DGKB: variants seen among roughly 807,000 people sequenced by gnomAD.
The protein encoded by DGKB is 90 kDa diacylglycerol kinase.
DGKB carries 67 observed loss-of-function variants against 114.3 expected under a neutral mutation model. That is an observed-to-expected ratio of 0.59 (90% CI 0.48 to 0.72). DGKB has a LOEUF of 0.72. DGKB is among the 30% of genes least tolerant of loss of function. The pLI is 0.00. For missense variants in DGKB, 907 were observed against 975.2 expected, an observed-to-expected ratio of 0.93 and a Z score of 0.93; for synonymous variants, 398 against 323.1, an observed-to-expected ratio of 1.23 and a Z score of -2.49.
At chr7:14,851,446 G>T (rs1849336642) in intron 1 of DGKB, among the ~76,000 whole-genome samples, 1 of 152,086 alleles carries the variant, frequency 6.6e-6, no homozygotes, top group Non-Finnish European at 1.5e-5. Context: ...CAGGTTAGGT[G>T]AAAATAAAGA....
intron 21 of DGKB, among the ~76,000 whole-genome samples, chr7:14,467,503 T>C (rs1413949123): frequency 6.6e-6 from 1 of 151,924 alleles, no homozygotes; most frequent in Non-Finnish European, 1.5e-5. Flanking sequence ...ATAACACACA[T>C]TTTTAATTCT....
chr7:14,775,918 G>C (rs1838100653), intron 2 of DGKB, among the ~76,000 whole-genome samples: 1 of 152,106 alleles, frequency 6.6e-6, no homozygotes, highest in Admixed American at 6.5e-5. Flanking sequence ...ACAGGAAGAG[G>C]CTGGAAGAAT....
At chr7:14,352,793 C>T (rs138497689) in intron 21 of DGKB, among the ~76,000 whole-genome samples, 3 of 151,858 alleles carry the variant, frequency 2.0e-5, no homozygotes, top group South Asian at 4.2e-4. Flanking sequence ...CGTGGTGGCG[C>T]GTGCCTATAA....
intron 1 of DGKB, among the ~76,000 whole-genome samples, chr7:14,954,883 T>A (rs11971524): frequency 1.3e-5 from 2 of 152,024 alleles, no homozygotes; most frequent in African/African-American, 4.8e-5. Context: ...ACATATCATA[T>A]CCTTTTTATG....
chr7:14,709,496 G>T (rs1438644458), intron 6 of DGKB, among the ~76,000 whole-genome samples: 1 of 117,160 alleles, frequency 8.5e-6, no homozygotes, highest in East Asian at 4.3e-4. Flanking sequence ...AAATCATGCT[G>T]CTATAAAGAC....
intron 21 of DGKB, among the ~76,000 whole-genome samples, chr7:14,354,233 T>C (rs1269424979): frequency 6.6e-6 from 1 of 152,192 alleles, no homozygotes; most frequent in Non-Finnish European, 1.5e-5. Flanking sequence ...TGTAATAAGG[T>C]ATGTGTTCTT....
intron 21 of DGKB, among the ~76,000 whole-genome samples, chr7:14,453,584 G>T (rs1831844723): frequency 2.6e-5 from 4 of 152,098 alleles, no homozygotes; most frequent in Admixed American, 2.6e-4. Context: ...CTGTATGACA[G>T]AACATGAAGT....
intron 17 of DGKB, among the ~76,000 whole-genome samples, chr7:14,583,855 A>G (rs1437792169): frequency 6.6e-6 from 1 of 152,162 alleles, no homozygotes; most frequent in South Asian, 2.1e-4. Context: ...AGCCAGCTAT[A>G]CAGTCATAGC....
chr7:14,693,592 G>A (rs1264867588), intron 9 of DGKB, among the ~76,000 whole-genome samples: 1 of 150,276 alleles, frequency 6.7e-6, no homozygotes, highest in African/African-American at 2.4e-5. Context: ...TAAAGGTAAT[G>A]GCAGAAAACG....
chr7:14,583,291 T>C (rs1199749166), intron 17 of DGKB, among the ~76,000 whole-genome samples, 154 bp from the exon 18 acceptor site: 2 of 152,164 alleles, frequency 1.3e-5, no homozygotes, highest in South Asian at 2.1e-4. Context: ...TTTAATCCTA[T>C]TTTATAATTA....
chr7:14,171,086 G>A (rs1032195958), intron 25 of DGKB, among the ~76,000 whole-genome samples: 11 of 152,136 alleles, frequency 7.2e-5, no homozygotes, highest in Non-Finnish European at 1.5e-4. Context: ...GATTGGTCCC[G>A]CACCAGGTCA....
chr7:14,733,778 GAAGA>G (rs1554627823), intron 5 of DGKB, among the ~76,000 whole-genome samples: 7 of 145,246 alleles, frequency 4.8e-5, no homozygotes, highest in South Asian at 4.6e-4. Context: ...AGAAAGAAAG[GAAGA>G]AAGAAAGAAG....
At chr7:14,432,507 A>G (rs1437014648) in intron 21 of DGKB, among the ~76,000 whole-genome samples, 1 of 152,162 alleles carries the variant, frequency 6.6e-6, no homozygotes, top group Non-Finnish European at 1.5e-5. Flanking sequence ...CTCATTTATT[A>G]TCCTACTTCT....
At chr7:14,221,717 A>C (rs898095016) in intron 23 of DGKB, among the ~76,000 whole-genome samples, 3 of 151,182 alleles carry the variant, frequency 2.0e-5, no homozygotes, top group Admixed American at 1.3e-4. Context: ...ATTTTTTGGA[A>C]GGGTTTGTGA....
intron 23 of DGKB, among the ~76,000 whole-genome samples, chr7:14,210,574 T>A (rs1787590292): frequency 6.6e-6 from 1 of 152,090 alleles, no homozygotes; most frequent in Admixed American, 6.6e-5. Context: ...AGTCTCAACA[T>A]GCACCTGATT....
At chr7:14,174,796 CCATCACCAT>C (rs1210451711) in intron 25 of DGKB, among the ~76,000 whole-genome samples, 1 of 152,124 alleles carries the variant, frequency 6.6e-6, no homozygotes, top group Non-Finnish European at 1.5e-5. Flanking sequence ...ATCACTATCA[CCATCACCAT>C]CATTAAAAAC....
chr7:14,691,905 C>T (rs535761403), intron 9 of DGKB, among the ~76,000 whole-genome samples: 40 of 149,060 alleles, frequency 2.7e-4, no homozygotes, highest in Admixed American at 5.9e-4. Flanking sequence ...GCTCCAGACA[C>T]TCCCTTTTAC....
intron 13 of DGKB, among the ~76,000 whole-genome samples, chr7:14,672,497 T>A (rs745321272): frequency 1.2e-4 from 18 of 152,088 alleles, no homozygotes; most frequent in Non-Finnish European, 2.6e-4. Context: ...ATAACTTTCT[T>A]CATGGATGTG....
At chr7:14,659,265 C>T (rs930159356) in intron 13 of DGKB, among the ~76,000 whole-genome samples, 1 of 152,010 alleles carries the variant, frequency 6.6e-6, no homozygotes, top group Non-Finnish European at 1.5e-5. Flanking sequence ...CTATCATTTC[C>T]TGCTAATGGA....
Sources: allele counts gnomAD v4.1 joint callset (sites outside exome capture counted in the v4.1 genomes callset), GRCh38; gene constraint gnomAD v4.1.1; transcripts MANE v1.5; gene names NCBI Gene and HGNC (gene_info 2026-07-23, HGNC 2026-07-21).